Variants in VPS13B observed in about 807,000 individuals in gnomAD.
VPS13B encodes the protein intermembrane lipid transfer protein VPS13B.
Under a neutral mutation model 426.4 loss-of-function variants are expected in VPS13B, and 285 were observed. The ratio of observed to expected loss-of-function variants is 0.67; its 90% confidence interval spans 0.61 to 0.74. The LOEUF is 0.74. Among genes scored for constraint, VPS13B ranks in the 30% least tolerant of loss-of-function variants. VPS13B has a pLI of 0.00. For missense variants in VPS13B, 4,537 were observed against 4,782.6 expected, an observed-to-expected ratio of 0.95 and a Z score of 1.51; for synonymous variants, 1,676 against 1,676.4, an observed-to-expected ratio of 1.00 and a Z score of 0.01.
At chr8:99,064,319 G>A (rs1258731379) in intron 3 of VPS13B, among the ~76,000 whole-genome samples, 1 of 152,172 alleles carries the variant, frequency 6.6e-6, no homozygotes, top group Non-Finnish European at 1.5e-5. Flanking sequence ...TGAGCTAAAG[G>A]AGGATGGTCG....
chr8:99,710,587 C>T (rs1832671182), intron 36 of VPS13B, among the ~76,000 whole-genome samples: 1 of 152,118 alleles, frequency 6.6e-6, no homozygotes, highest in African/African-American at 2.4e-5. Context: ...ATAACCCTGT[C>T]ATGAGTCCCA....
Position 99,507,861 on chromosome 8 carries a change from C to T in VPS13B, c.4224+658C>T. ...GAACAGACGCACCTTGTTGGTTCGA[C>T]CCATCAGCAAGCAGGACCCTTTCAG... On this transcript the variant is annotated intron_variant, in intron 28 of 61. Transcript: ENST00000357162. 9 of 1,614,080 alleles carry T rather than the reference C, an allele frequency of 5.6e-6. No homozygotes were observed. The highest frequency in any genetic ancestry group is 1.3e-5 in the African/African-American group (1 of 75,020).
intron 33 of VPS13B, among the ~76,000 whole-genome samples, chr8:99,633,942 ACCTATT>A (rs897444401): frequency 2.6e-5 from 4 of 151,788 alleles, no homozygotes; most frequent in Non-Finnish European, 5.9e-5. Flanking sequence ...AAAATGACCA[ACCTATT>A]CCTATTCACT....
At chr8:99,679,881 A>G (rs1266397738) in intron 35 of VPS13B, among the ~76,000 whole-genome samples, 3 of 152,222 alleles carry the variant, frequency 2.0e-5, no homozygotes, top group Non-Finnish European at 4.4e-5. Flanking sequence ...AAGAGAAAAA[A>G]ATATTATGAC....
rs184547633 is a variant in VPS13B, at chr8:99,850,703, A to T, written c.10061+1809A>T. On this transcript the variant is annotated intron_variant, in intron 55 of 61. Transcript: ENST00000357162. ...CACTTTGGGAGGCCGAGGTGGGTGG[A>T]TCACCTGAGGTCAGGAGTTTGAGAT... Among the ~76,000 whole-genome samples the T allele has an allele frequency of 6.0e-3, 911 of 152,314 alleles. 8 individuals are homozygous for T. The highest frequency in any genetic ancestry group is 0.021 in the African/African-American group (875 of 41,564).
chr8:99,257,141 G>A (rs1253000982), intron 17 of VPS13B, among the ~76,000 whole-genome samples: 1 of 152,118 alleles, frequency 6.6e-6, no homozygotes, highest in Non-Finnish European at 1.5e-5. Flanking sequence ...CTTAAGCTAG[G>A]ATGAAAATCT....
chr8:99,721,152 C>T (rs1833113137), intron 39 of VPS13B, 105 bp downstream of exon 39: 3 of 1,186,030 alleles, frequency 2.5e-6, no homozygotes, highest in Non-Finnish European at 3.7e-6. Context: ...TTAATAGTAT[C>T]AGAGAGAAAT....
At position 99,111,346 on chromosome 8, in the gene VPS13B, C is replaced by T. The variant is rs1465255419; in HGVS notation, c.762+67C>T. 3.1e-6 allele frequency: 4 copies of T among 1,301,632 alleles called. No individual in the cohort carries two copies. The African/African-American group carries it at 4.5e-5, about 15-fold the overall frequency. 80.6% of individuals were successfully genotyped at this position (1,301,632 alleles called of 1,614,324 possible). On this transcript the variant is annotated intron_variant, in intron 6 of 61. Coordinates refer to ENST00000357162, the MANE Select transcript of VPS13B (RefSeq NM_152564.5). ...TTTTGTTTATTGACTCTTGTGGATG[C>T]TAATCATTATTAACAAATGAAGAAA...
chr8:99,105,367 T>C (rs909928312), intron 5 of VPS13B, among the ~76,000 whole-genome samples: 1 of 151,972 alleles, frequency 6.6e-6, no homozygotes, highest in Non-Finnish European at 1.5e-5. Context: ...GGTGAAGAAA[T>C]TTTATTTTAA....
intron 8 of VPS13B, among the ~76,000 whole-genome samples, chr8:99,131,428 A>T (rs1179252373): frequency 1.3e-5 from 2 of 152,202 alleles, no homozygotes; most frequent in African/African-American, 2.4e-5. Flanking sequence ...CTGGGGAGTT[A>T]AGAATTTTTT....
At chr8:99,220,655 A>G (rs2132825249) in intron 17 of VPS13B, among the ~76,000 whole-genome samples, 1 of 152,262 alleles carries the variant, frequency 6.6e-6, no homozygotes, top group Admixed American at 6.5e-5. Flanking sequence ...TTGGACTCCT[A>G]GGGAATATGA....
chr8:99,067,423 C>A (rs1844590403), intron 3 of VPS13B, among the ~76,000 whole-genome samples: 1 of 152,256 alleles, frequency 6.6e-6, no homozygotes, highest in East Asian at 1.9e-4. Flanking sequence ...TGATCTCACT[C>A]ATAGGTGGGA....
Position 99,585,161 on chromosome 8 carries a change from T to C in VPS13B, c.5220+7528T>C, listed in dbSNP as rs60978823. Among the ~76,000 whole-genome samples the C allele has an allele frequency of 4.9e-3, 750 of 152,256 alleles. 7 individuals carry two copies. The highest frequency in any genetic ancestry group is 0.017 in the African/African-American group (723 of 41,556). On this transcript the variant is annotated intron_variant, in intron 33 of 61. Coordinates refer to ENST00000357162, the MANE Select transcript of VPS13B (RefSeq NM_152564.5). ...GAGGTTTCTAAGCATTAGGATTTTT[T>C]GGTAGGACAGTGAAAAAAATTAATC...
chr8:99,145,351 C>A (rs1353168338), intron 13 of VPS13B, among the ~76,000 whole-genome samples: 2 of 152,082 alleles, frequency 1.3e-5, no homozygotes, highest in Non-Finnish European at 2.9e-5. Flanking sequence ...AATTTCATCA[C>A]CTTTGTAGGT....
intron 19 of VPS13B, among the ~76,000 whole-genome samples, chr8:99,312,296 G>A (rs1374247980): frequency 4.6e-5 from 7 of 152,050 alleles, no homozygotes; most frequent in Non-Finnish European, 1.0e-4. Flanking sequence ...TGTTTTTCCA[G>A]TGGCTGCTAC....
intron 35 of VPS13B, among the ~76,000 whole-genome samples, chr8:99,684,484 C>T (rs1203774119): frequency 6.6e-6 from 1 of 152,176 alleles, no homozygotes; most frequent in Non-Finnish European, 1.5e-5. Context: ...TCTATCTCCA[C>T]ATGATATCCA....
At chr8:99,136,867 G>A (rs1403015064) in intron 12 of VPS13B, 115 bp downstream of exon 12, 5 of 984,668 alleles carry the variant, frequency 5.1e-6, no homozygotes, top group East Asian at 2.4e-5. Flanking sequence ...TTATCTTCTA[G>A]TACTTTGGGG....
At chr8:99,349,350 A>AAAAAAAAAAAAAAAAG (rs1184275418) in intron 19 of VPS13B, among the ~76,000 whole-genome samples, 25 of 147,586 alleles carry the variant, frequency 1.7e-4, no homozygotes, top group African/African-American at 5.9e-4. Flanking sequence ...AAAAAAAAAA[A>AAAAAAAAAAAAAAAAG]AAAAAGAAAA....
rs1355251544 is a variant in VPS13B at position 99,445,379 on chromosome 8, T to C, written c.3445+2744T>C. On this transcript the variant is annotated intron_variant, in intron 23 of 61. Coordinates refer to ENST00000357162, the MANE Select transcript of VPS13B (RefSeq NM_152564.5). ...CCATGGGAGGTTGAGGTGGGAGGATTGCTGGAGTCCAGGAGTTCCAGGATG... is the reference window on the plus strand; with the variant it reads ...CCATGGGAGGTTGAGGTGGGAGGATCGCTGGAGTCCAGGAGTTCCAGGATG... Among the ~76,000 whole-genome samples the C allele has an allele frequency of 4.0e-5, 6 of 150,036 alleles. No homozygotes were observed. In the South Asian group the frequency reaches 8.3e-4, roughly 21 times the overall value.
Sources: gnomAD v4.1 joint callset for allele counts (sites outside exome capture counted in the v4.1 genomes callset) on GRCh38, gnomAD v4.1.1 for gene constraint, MANE v1.5 for transcripts, NCBI Gene and HGNC (gene_info 2026-07-23, HGNC 2026-07-21) for gene names.